The following EGFR variants were observed in gnomAD, a reference collection of about 807,000 sequenced individuals.
EGFR encodes the protein avian erythroblastic leukemia viral (v-erb-b) oncogene homolog.
Under a neutral mutation model 143.0 loss-of-function variants are expected in EGFR, and 58 were observed. The ratio of observed to expected loss-of-function variants is 0.41; its 90% CI spans 0.33 to 0.50. The LOEUF is 0.50. Ranked by LOEUF, EGFR falls within the 20% of genes least tolerant of loss-of-function variation. The pLI is 0.39. For synonymous variants in EGFR, 613 were observed against 594.4 expected (o/e 1.03, Z -0.45); for missense variants, 1,307 against 1,579.0 (o/e 0.83, Z 2.92).
chr7:55,126,466 TA>T (rs1793530439), intron 1 of EGFR, among the ~76,000 whole-genome samples: 1 of 152,202 alleles, frequency 6.6e-6, no homozygotes, highest in Non-Finnish European at 1.5e-5. Flanking sequence ...ACAGTGAAGC[TA>T]GTAAAGAGAA....
intron 20 of EGFR, 108 bp downstream of exon 20, chr7:55,181,586 G>C (rs961935990): frequency 7.9e-7 from 1 of 1,270,276 alleles, no homozygotes. Flanking sequence ...ATGTGTGTGC[G>C]TGCATGCAGC....
intron 1 of EGFR, among the ~76,000 whole-genome samples, chr7:55,050,556 G>C (rs1185647754): frequency 6.6e-6 from 1 of 152,172 alleles, no homozygotes; most frequent in Non-Finnish European, 1.5e-5. Context: ...TATGAACATA[G>C]CTGTATGCCT....
At chr7:55,032,367 G>C (rs1317095735) in intron 1 of EGFR, among the ~76,000 whole-genome samples, 1 of 152,150 alleles carries the variant, frequency 6.6e-6, no homozygotes, top group Non-Finnish European at 1.5e-5. Context: ...GAGGCTAAAT[G>C]GGCCTTAAGG....
chr7:55,108,530 T>A (rs1792273815), intron 1 of EGFR, among the ~76,000 whole-genome samples: 1 of 152,222 alleles, frequency 6.6e-6, no homozygotes, highest in Non-Finnish European at 1.5e-5. Context: ...TTTTACATGC[T>A]ACATTTTCAG....
At chr7:55,128,384 C>T (rs1266186182) in intron 1 of EGFR, among the ~76,000 whole-genome samples, 1 of 152,118 alleles carries the variant, frequency 6.6e-6, no homozygotes, top group Admixed American at 6.5e-5. Flanking sequence ...TTAGTCATTG[C>T]CCTTAAATAT....
intron 15 of EGFR, chr7:55,170,506 T>C: frequency 6.2e-7 from 1 of 1,613,892 alleles, no homozygotes; most frequent in Non-Finnish European, 8.5e-7. Context: ...TGCCTGGCCT[T>C]CTGCATCTGT....
intron 10 of EGFR, 185 bp downstream of exon 10, chr7:55,157,017 TC>T: frequency 7.0e-7 from 1 of 1,426,250 alleles, no homozygotes; most frequent in Non-Finnish European, 9.3e-7. Context: ...ACACGTTAAG[TC>T]CAGGCTTGGG....
In EGFR at chr7:55,154,105, C is replaced by G. The variant is rs918710688; in HGVS notation, c.842C>G (p.Pro281Arg). ...ACCACGTACCAGATGGATGTGAACC[C>G]CGAGGGCAAATACAGCTTTGGTGCC... ...NPTTYQMDVNPEGKYSFGATC... is the reference protein window; with the variant it reads ...NPTTYQMDVNREGKYSFGATC... Residue 281 changes from proline (P) to arginine (R), a missense_variant, in exon 7 of 28, where the codon CCC (proline) becomes CGC (arginine). By Grantham distance (103) the Pro-to-Arg change is moderately radical. This residue lies in a region of EGFR where 311 missense variants were observed against 412.3 expected (regional missense o/e 0.75). Transcript: ENST00000275493. The G allele has an allele frequency of 3.1e-6, 5 of 1,614,124 alleles. No individual in the cohort carries two copies. The highest frequency in any genetic ancestry group is 1.1e-5 in the South Asian group (1 of 91,086).
intron 20 of EGFR, among the ~76,000 whole-genome samples, chr7:55,190,795 T>C (rs976712443): frequency 6.6e-6 from 1 of 152,222 alleles, no homozygotes; most frequent in Non-Finnish European, 1.5e-5. Flanking sequence ...ATAAGAAGTC[T>C]GCAGAACTTG....
intron 1 of EGFR, among the ~76,000 whole-genome samples, chr7:55,101,331 G>A (rs116126699): frequency 8.1e-4 from 124 of 152,294 alleles, no homozygotes; most frequent in African/African-American, 2.8e-3. Context: ...ATATGCCATC[G>A]GTACAGACAC....
intron 5 of EGFR, chr7:55,152,211 G>A (rs989193667): frequency 1.4e-5 from 6 of 440,134 alleles, no homozygotes; most frequent in Non-Finnish European, 2.7e-5. Flanking sequence ...GCTGAATTGT[G>A]GGGGGGCTGT....
chr7:55,168,813 C>T (rs1384983817), intron 15 of EGFR, among the ~76,000 whole-genome samples: 1 of 152,056 alleles, frequency 6.6e-6, no homozygotes, highest in Non-Finnish European at 1.5e-5. Flanking sequence ...TAAAATACGG[C>T]CAAGTGTTGA....
At chr7:55,048,846 G>A (rs897800130) in intron 1 of EGFR, among the ~76,000 whole-genome samples, 1 of 152,164 alleles carries the variant, frequency 6.6e-6, no homozygotes, top group African/African-American at 2.4e-5. Flanking sequence ...ACTTAGAAAA[G>A]TTTTCTTCTT....
At chr7:55,050,012 C>T (rs889540430) in intron 1 of EGFR, among the ~76,000 whole-genome samples, 11 of 152,230 alleles carry the variant, frequency 7.2e-5, no homozygotes, top group African/African-American at 2.7e-4. Flanking sequence ...CCTCTTCACT[C>T]TTCTGCCAAG....
At chr7:55,066,286 G>T (rs546789976) in intron 1 of EGFR, among the ~76,000 whole-genome samples, 1 of 152,288 alleles carries the variant, frequency 6.6e-6, no homozygotes, top group South Asian at 2.1e-4. Context: ...TAATAGTGTG[G>T]CATTTGATAA....
chr7:55,121,063 C>T (rs1793171632), intron 1 of EGFR, among the ~76,000 whole-genome samples: 1 of 152,094 alleles, frequency 6.6e-6, no homozygotes, highest in South Asian at 2.1e-4. Context: ...CTGGAAGATT[C>T]CATGAACTAA....
rs1174312198 is a variant in EGFR at position 55,061,649 on chromosome 7, T to TGAGAGA, written c.88+42303_88+42308dup. ...GTGTGTGTGTGTGTGTGTGTGTGTG[T>TGAGAGA]GAGAGAGAGAGAGAGAGAGAGAGAC... On this transcript the variant is annotated intron_variant, in intron 1 of 27. Coordinates refer to ENST00000275493, the MANE Select transcript of EGFR (RefSeq NM_005228.5). Among the ~76,000 whole-genome samples, 518 of 132,764 alleles carry TGAGAGA rather than the reference T, an allele frequency of 3.9e-3. 3 individuals carry two copies. The highest frequency in any genetic ancestry group is 6.7e-3 in the African/African-American group (225 of 33,456). The allele number at this position is 132,764 out of a possible 152,430, so 87.1% of individuals were successfully genotyped here.
chr7:55,033,612 G>A (rs368689578), intron 1 of EGFR, among the ~76,000 whole-genome samples: 1 of 152,150 alleles, frequency 6.6e-6, no homozygotes, highest in Non-Finnish European at 1.5e-5. Context: ...AGGGGAGGCG[G>A]GCCTGGGCTC....
rs995500442 is a variant in EGFR, at chr7:55,058,597, G to A, written c.88+39232G>A. 6.6e-5 allele frequency among the ~76,000 whole-genome samples: 10 copies of A among 152,032 alleles called. No homozygotes were observed. In the East Asian group the frequency reaches 1.3e-3, roughly 20 times the overall value. ...CTGCAGGTCATTATCCTTAGCAAACGAATAAGAAAAGAAAACAAAATACCG... is the reference window on the plus strand; with the variant it reads ...CTGCAGGTCATTATCCTTAGCAAACAAATAAGAAAAGAAAACAAAATACCG... On this transcript the variant is annotated intron_variant, in intron 1 of 27. Transcript: ENST00000275493.
Sources: allele counts gnomAD v4.1 joint callset (sites outside exome capture counted in the v4.1 genomes callset), GRCh38; gene constraint gnomAD v4.1.1; regional missense constraint gnomAD v4.1.1; transcripts MANE v1.5; gene names NCBI Gene and HGNC (gene_info 2026-07-23, HGNC 2026-07-21).